Variants in FRMD4A observed in about 807,000 individuals in gnomAD.
FRMD4A encodes the protein FERM domain-containing protein 4A.
In FRMD4A, 29 loss-of-function variants were observed where a neutral mutation model predicts 129.1. The ratio of observed to expected loss-of-function variants is 0.22; its 90% CI spans 0.17 to 0.31. The LOEUF is 0.31. Among genes scored for constraint, FRMD4A ranks in the 10% least tolerant of loss-of-function variants. FRMD4A has a pLI of 1.00. For synonymous variants in FRMD4A, 634 were observed against 571.6 expected, an observed-to-expected ratio of 1.11 and a Z score of -1.56; for missense variants, 1,272 against 1,375.8, an observed-to-expected ratio of 0.92 and a Z score of 1.19.
chr10:14,317,238 C>T lies in FRMD4A; in HGVS notation c.45+12820G>A, dbSNP rs956847591. The stretch of plus-strand genomic sequence containing the variant: ...TTATTCTGAAGACATTTCGTGTCTG[C>T]CCCCAGCCAGGATCTTGACCTCTCT... On this transcript the variant is annotated intron_variant, in intron 2 of 24. Transcript: ENST00000357447. Among the ~76,000 whole-genome samples, 4 of 152,148 alleles carry T rather than the reference C, an allele frequency of 2.6e-5. No homozygotes were observed. In the South Asian group the frequency reaches 8.3e-4, roughly 32 times the overall value.
intron 15 of FRMD4A, among the ~76,000 whole-genome samples, chr10:13,687,647 C>G (rs10906447): frequency 0.34 from 51,896 of 151,976 alleles, 9,777 homozygotes; most frequent in African/African-American, 0.51. Flanking sequence ...GAACTTTCTG[C>G]AAATGTGTTA....
In FRMD4A at chr10:14,239,652, C is replaced by CAA. The variant is rs529527490; in HGVS notation, c.45+90404_45+90405dup. 2.9e-3 allele frequency among the ~76,000 whole-genome samples: 433 copies of CAA among 149,982 alleles called. 3 individuals are homozygous for CAA. Among genetic ancestry groups the CAA allele is most frequent in the African/African-American group, 7.2e-3 (293 of 40,722 alleles). On this transcript the variant is annotated intron_variant, in intron 2 of 24. Coordinates refer to ENST00000357447, the MANE Select transcript of FRMD4A (RefSeq NM_018027.5). ...AAGAAAAAACAAACAAACAAACAAA[C>CAA]AAAAAAAAACTGGCAAAAGCCAGGT... is the stretch of plus-strand genomic sequence containing the variant.
At chr10:14,282,990 C>T (rs1265429767) in intron 2 of FRMD4A, among the ~76,000 whole-genome samples, 1 of 152,198 alleles carries the variant, frequency 6.6e-6, no homozygotes, top group East Asian at 1.9e-4. Flanking sequence ...AAGTGCATCG[C>T]TCCAGAAAGC....
chr10:14,109,978 C>CA (rs1837801951), intron 2 of FRMD4A, among the ~76,000 whole-genome samples: 2 of 147,330 alleles, frequency 1.4e-5, no homozygotes, highest in Admixed American at 6.7e-5. Context: ...CTCCCTCCCC[C>CA]AAACCCACCA....
At chr10:13,749,110 C>T (rs1407064054) in intron 8 of FRMD4A, among the ~76,000 whole-genome samples, 1 of 152,178 alleles carries the variant, frequency 6.6e-6, no homozygotes, top group Non-Finnish European at 1.5e-5. Context: ...CAACAAACGG[C>T]AGCCACTTTG....
intron 8 of FRMD4A, among the ~76,000 whole-genome samples, chr10:13,748,181 T>C (rs1433017513): frequency 1.3e-5 from 2 of 152,016 alleles, no homozygotes; most frequent in Non-Finnish European, 2.9e-5. Context: ...CAGGGCAGGA[T>C]CTTAGAAGAA....
chr10:14,113,957 T>C (rs1340887716), intron 2 of FRMD4A, among the ~76,000 whole-genome samples: 1 of 152,120 alleles, frequency 6.6e-6, no homozygotes, highest in Non-Finnish European at 1.5e-5. Context: ...GCCCATCCTA[T>C]CGCCAAGGAT....
rs1387667115 is a variant in FRMD4A, at chr10:14,251,197, A to G, written c.45+78861T>C. Among the ~76,000 whole-genome samples, 3 of 152,192 alleles carry G rather than the reference A, an allele frequency of 2.0e-5. No homozygotes were observed. In the East Asian group the frequency reaches 5.8e-4, roughly 29 times the overall value. On this transcript the variant is annotated intron_variant, in intron 2 of 24. Transcript: ENST00000357447. ...TTTGTTTCTAACTATTCAATAGACT[A>G]TTAATTAGAAACAAATCAATACAGC... is the stretch of plus-strand genomic sequence containing the variant.
intron 2 of FRMD4A, among the ~76,000 whole-genome samples, chr10:14,053,870 A>G (rs959198017): frequency 1.3e-5 from 2 of 152,134 alleles, no homozygotes; most frequent in African/African-American, 4.8e-5. Flanking sequence ...CAAAAAAATG[A>G]AAAAACTAGT....
chr10:14,284,910 G>A (rs1368576546), intron 2 of FRMD4A, among the ~76,000 whole-genome samples: 3 of 152,150 alleles, frequency 2.0e-5, no homozygotes, highest in African/African-American at 7.2e-5. Context: ...CCCGCAGGAG[G>A]AGGAAGCTGC....
At chr10:14,319,383 A>G (rs1373592384) in intron 2 of FRMD4A, among the ~76,000 whole-genome samples, 1 of 84,068 alleles carries the variant, frequency 1.2e-5, no homozygotes, top group Non-Finnish European at 2.6e-5. Context: ...ACACACACAC[A>G]CACATGATAA....
chr10:14,185,765 C>T (rs192140314), intron 2 of FRMD4A, among the ~76,000 whole-genome samples: 5 of 152,176 alleles, frequency 3.3e-5, no homozygotes, highest in African/African-American at 9.6e-5. Context: ...TAGTACCAGC[C>T]AAAGCAACAG....
intron 2 of FRMD4A, among the ~76,000 whole-genome samples, chr10:13,907,484 G>C (rs1342219825): frequency 6.6e-6 from 1 of 152,092 alleles, no homozygotes; most frequent in African/African-American, 2.4e-5. Flanking sequence ...ACCCACGGCG[G>C]GTCCCAGATC....
chr10:14,330,055 C>T lies in FRMD4A; in HGVS notation c.45+3G>A. On this transcript the variant is annotated splice_donor_region_variant and intron_variant, in intron 2 of 24. Coordinates refer to ENST00000357447, the MANE Select transcript of FRMD4A (RefSeq NM_018027.5). ...GGGCCCCACCTCCTGTCTGAACACT[C>T]ACCATCAGCAGGCCGAGAGCTGAGT... The T allele has an allele frequency of 6.4e-7, 1 of 1,552,714 alleles. No homozygotes were observed. The highest frequency in any genetic ancestry group is 8.7e-7 in the Non-Finnish European group (1 of 1,147,440).
intron 2 of FRMD4A, among the ~76,000 whole-genome samples, chr10:14,121,358 AC>A (rs1242688420): frequency 6.6e-6 from 1 of 152,136 alleles, no homozygotes; most frequent in African/African-American, 2.4e-5. Flanking sequence ...GCAGAGTGAG[AC>A]TCTGTCTCAA....
intron 2 of FRMD4A, among the ~76,000 whole-genome samples, chr10:14,018,291 C>CA (rs556449482): frequency 0.038 from 4,636 of 121,906 alleles, 75 homozygotes; most frequent in South Asian, 0.067. Context: ...ACTAAAAATA[C>CA]AAAAAAAAAA....
intron 13 of FRMD4A, among the ~76,000 whole-genome samples, chr10:13,703,160 G>A (rs568658332): frequency 7.2e-5 from 11 of 152,198 alleles, no homozygotes; most frequent in Non-Finnish European, 1.5e-4. Context: ...GTGGTGCAAG[G>A]CTAGGTACCT....
rs182682985 is a variant in FRMD4A, at chr10:14,224,116, G to A, written c.45+105942C>T. On this transcript the variant is annotated intron_variant, in intron 2 of 24. Transcript: ENST00000357447. ...ACGGGGCTGCTTTGCCCCATCTGAT[G>A]GAAAGAACTAGCTCCTCTTTCAAAT... Among the ~76,000 whole-genome samples the A allele has an allele frequency of 9.5e-4, 145 of 152,284 alleles. 2 individuals carry two copies. The East Asian group carries it at 0.026, about 27-fold the overall frequency.
chr10:13,763,937 G>A (rs1267178278), intron 6 of FRMD4A, among the ~76,000 whole-genome samples: 1 of 152,050 alleles, frequency 6.6e-6, no homozygotes, highest in Non-Finnish European at 1.5e-5. Flanking sequence ...GTACCAGGTT[G>A]GCCAGGCTGG....
Sources: gnomAD v4.1 joint callset for allele counts (sites outside exome capture counted in the v4.1 genomes callset) on GRCh38, gnomAD v4.1.1 for gene constraint, MANE v1.5 for transcripts, NCBI Gene and HGNC (gene_info 2026-07-23, HGNC 2026-07-21) for gene names.